The following GRIN2B variants were observed in gnomAD, a reference collection of about 807,000 sequenced individuals.
The protein encoded by GRIN2B is glutamate receptor ionotropic, NMDA 2B.
GRIN2B carries 5 observed loss-of-function variants against 114.5 expected under a neutral mutation model. The observed-to-expected ratio is 0.04, with a 90% CI of 0.02 to 0.09. The LOEUF (loss-of-function observed/expected upper bound fraction) is 0.09. Among genes scored for constraint, GRIN2B ranks in the 10% least tolerant of loss-of-function variants. The pLI, the probability that GRIN2B is intolerant of heterozygous loss-of-function variation, is 1.00. For missense variants in GRIN2B, 1,108 were observed against 1,943.5 expected (o/e 0.57, Z 8.08); for synonymous variants, 787 against 745.1 (o/e 1.06, Z -0.92).
At position 13,540,071 on chromosome 12, in the gene GRIN2B, G is replaced by A. The variant is rs1394130440; in HGVS notation, c.*22712C>T. 2 of 152,198 alleles carry A rather than the reference G, an allele frequency of 1.3e-5. No homozygotes were observed. The highest frequency in any genetic ancestry group is 1.5e-5 in the Non-Finnish European group (1 of 68,032). The allele number at this position is 152,198 out of a possible 1,614,324, so 9.4% of individuals were successfully genotyped here. ...ACCAAGGGCTCCAGCACCAGCTATA[G>A]TAGAAACAGATCCCAACCCAAGTAG... On this transcript the variant is annotated 3_prime_UTR_variant, in exon 14 of 14. Transcript: ENST00000609686.
intron 4 of GRIN2B, among the ~76,000 whole-genome samples, chr12:13,692,678 T>A (rs1042865002): frequency 1.3e-5 from 2 of 151,880 alleles, no homozygotes; most frequent in African/African-American, 4.8e-5. Flanking sequence ...CCTCAGCTGT[T>A]AGGGTAGTCT....
intron 3 of GRIN2B, among the ~76,000 whole-genome samples, chr12:13,845,791 C>G (rs2136720898): frequency 6.6e-6 from 1 of 152,172 alleles, no homozygotes; most frequent in African/African-American, 2.4e-5. Flanking sequence ...TTAGGAATTC[C>G]CTTTCCTTTC....
intron 2 of GRIN2B, among the ~76,000 whole-genome samples, chr12:13,972,283 A>G (rs1353262202): frequency 6.6e-6 from 1 of 152,116 alleles, no homozygotes; most frequent in African/African-American, 2.4e-5. Flanking sequence ...TTGTTATTGA[A>G]GTGGAGTTCA....
chr12:13,570,795 T>C (rs948272179), intron 11 of GRIN2B, among the ~76,000 whole-genome samples: 1 of 152,230 alleles, frequency 6.6e-6, no homozygotes, highest in African/African-American at 2.4e-5. Flanking sequence ...GAAATTTAGA[T>C]ATAGCCTTAC....
At chr12:13,642,334 G>C (rs1949726729) in intron 5 of GRIN2B, among the ~76,000 whole-genome samples, 1 of 152,224 alleles carries the variant, frequency 6.6e-6, no homozygotes, top group Admixed American at 6.5e-5. Context: ...ATCACTTGTG[G>C]GCACACTCTG....
chr12:13,605,541 T>A (rs1274523852), intron 10 of GRIN2B, among the ~76,000 whole-genome samples: 12 of 75,596 alleles, frequency 1.6e-4, no homozygotes, highest in Admixed American at 9.6e-4. Flanking sequence ...TCTCTCTCTC[T>A]CTCTCTCTCT....
intron 3 of GRIN2B, among the ~76,000 whole-genome samples, chr12:13,821,066 GT>G (rs1413848763): frequency 2.0e-5 from 3 of 151,720 alleles, no homozygotes; most frequent in Admixed American, 2.0e-4. Flanking sequence ...ACCACTCGAT[GT>G]GCCTAAAATA....
chr12:13,961,083 C>CA (rs760923845), intron 2 of GRIN2B, among the ~76,000 whole-genome samples: 3 of 145,176 alleles, frequency 2.1e-5, no homozygotes, highest in Non-Finnish European at 4.6e-5. Flanking sequence ...ATTCTGACGA[C>CA]TTTTTTTTTT....
rs1865814733 is a variant in GRIN2B, at chr12:13,865,650, A to G, written c.411+148T>C. ...TCTGTCTCAAAGAGAGAGAGAGAAA[A>G]AAAAAGGATTAATTGCTGGCCTATC... On this transcript the variant is annotated intron_variant, in intron 3 of 13. Transcript: ENST00000609686. 6.3e-6 allele frequency: 5 copies of G among 788,568 alleles called. No individual in the cohort carries two copies. The East Asian group carries it at 9.7e-5, about 15-fold the overall frequency. The allele number at this position is 788,568 out of a possible 1,614,324, so 48.8% of individuals were successfully genotyped here. A position where few individuals can be genotyped will look rare whatever the true frequency, so the allele number is the denominator to read the frequency against.
At chr12:13,689,817 T>A (rs1447748593) in intron 4 of GRIN2B, among the ~76,000 whole-genome samples, 1 of 152,216 alleles carries the variant, frequency 6.6e-6, no homozygotes, top group Non-Finnish European at 1.5e-5. Flanking sequence ...ATCTTTGCTG[T>A]CCCCTGACAA....
chr12:13,846,444 C>T (rs529987782), intron 3 of GRIN2B, among the ~76,000 whole-genome samples: 10 of 152,070 alleles, frequency 6.6e-5, no homozygotes, highest in African/African-American at 2.4e-4. Flanking sequence ...GCATATTTTT[C>T]GCAGTTGCTT....
intron 3 of GRIN2B, among the ~76,000 whole-genome samples, chr12:13,811,960 A>G (rs182227847): frequency 3.3e-5 from 5 of 152,332 alleles, no homozygotes; most frequent in African/African-American, 1.2e-4. Flanking sequence ...TGCATGCAGC[A>G]TTTCGTAAGT....
intron 3 of GRIN2B, among the ~76,000 whole-genome samples, chr12:13,857,397 ACACT>A (rs1490930255): frequency 4.6e-5 from 7 of 151,500 alleles, no homozygotes; most frequent in Admixed American, 3.3e-4. Flanking sequence ...ACACACACAC[ACACT>A]CTCACACACA....
At chr12:13,898,717 GC>G (rs1320031830) in intron 2 of GRIN2B, among the ~76,000 whole-genome samples, 3 of 152,190 alleles carry the variant, frequency 2.0e-5, no homozygotes, top group African/African-American at 7.2e-5. Context: ...TTTGAGACCA[GC>G]CTGACCGACA....
chr12:13,583,739 C>T (rs546094065), intron 10 of GRIN2B, among the ~76,000 whole-genome samples: 5 of 152,114 alleles, frequency 3.3e-5, no homozygotes, highest in East Asian at 1.9e-4. Flanking sequence ...ATGGGGCAAG[C>T]GAAATAGCAT....
intron 10 of GRIN2B, among the ~76,000 whole-genome samples, chr12:13,586,537 G>A (rs528225385): frequency 6.6e-6 from 1 of 152,302 alleles, no homozygotes; most frequent in African/African-American, 2.4e-5. Flanking sequence ...GGACTCCTGT[G>A]CCTGTCTCAC....
At chr12:13,598,341 G>A (rs574191712) in intron 10 of GRIN2B, among the ~76,000 whole-genome samples, 2 of 152,212 alleles carry the variant, frequency 1.3e-5, no homozygotes, top group African/African-American at 2.4e-5. Context: ...CACCTCCCTC[G>A]ACCTCAGGCC....
At chr12:13,842,755 A>C (rs1188844492) in intron 3 of GRIN2B, among the ~76,000 whole-genome samples, 1 of 152,104 alleles carries the variant, frequency 6.6e-6, no homozygotes, top group African/African-American at 2.4e-5. Flanking sequence ...TAGGGTGAAA[A>C]TGGGGTCTAG....
chr12:13,805,818 C>G (rs148964015), intron 3 of GRIN2B, among the ~76,000 whole-genome samples: 136 of 152,248 alleles, frequency 8.9e-4, no homozygotes, highest in African/African-American at 3.1e-3. Flanking sequence ...CCATCTTGTA[C>G]AGTAAATCTC....
Sources: gnomAD v4.1 joint callset for allele counts (sites outside exome capture counted in the v4.1 genomes callset) on GRCh38, gnomAD v4.1.1 for gene constraint, MANE v1.5 for transcripts, NCBI Gene and HGNC (gene_info 2026-07-23, HGNC 2026-07-21) for gene names.